Variants in BNC2 observed in about 807,000 individuals in gnomAD.
The protein encoded by BNC2 is zinc finger protein basonuclin-2.
A neutral mutation model predicts 76.3 loss-of-function variants in BNC2; 20 were observed. The observed-to-expected ratio is 0.26, with a 90% CI of 0.18 to 0.38. The LOEUF (loss-of-function observed/expected upper bound fraction) is 0.38, where lower values mean the gene tolerates loss of function less well. Ranked by LOEUF, BNC2 falls within the 10% of genes least tolerant of loss-of-function variation. The pLI is 1.00. For synonymous variants in BNC2, 582 were observed against 514.8 expected (o/e 1.13, Z -1.77); for missense variants, 1,382 against 1,399.8 (o/e 0.99, Z 0.20).
At chr9:16,704,691 T>TCAAAAAAA (rs1169280401) in intron 3 of BNC2, 20 of 124,080 alleles carry the variant, frequency 1.6e-4, no homozygotes, top group South Asian at 2.7e-4. Context: ...TTTTTTTTTT[T>TCAAAAAAA]AAAAAAAAAA....
chr9:16,668,779 G>GAACA, intron 3 of BNC2, among the ~76,000 whole-genome samples: 1 of 152,138 alleles, frequency 6.6e-6, no homozygotes, highest in African/African-American at 2.4e-5. Flanking sequence ...TTCTCTTGTT[G>GAACA]GGCAAACTGC....
intron 4 of BNC2, among the ~76,000 whole-genome samples, chr9:16,572,955 A>G (rs1171549341): frequency 2.0e-5 from 3 of 152,122 alleles, no homozygotes; most frequent in Non-Finnish European, 4.4e-5. Flanking sequence ...ATGGCCGGGC[A>G]CGGAGGCTCA....
At chr9:16,694,058 G>A (rs974500515) in intron 3 of BNC2, among the ~76,000 whole-genome samples, 3 of 152,122 alleles carry the variant, frequency 2.0e-5, no homozygotes, top group East Asian at 3.9e-4. Flanking sequence ...TTTGGGGGGA[G>A]GGTGTGGCAT....
At chr9:16,528,776 T>A (rs1563826279) in intron 5 of BNC2, among the ~76,000 whole-genome samples, 1 of 152,164 alleles carries the variant, frequency 6.6e-6, no homozygotes, top group Non-Finnish European at 1.5e-5. Context: ...TTATGGTATA[T>A]CCACATAATG....
chr9:16,683,894 A>G (rs1190447948), intron 3 of BNC2, among the ~76,000 whole-genome samples: 1 of 152,226 alleles, frequency 6.6e-6, no homozygotes, highest in Non-Finnish European at 1.5e-5. Context: ...CACCAAAATG[A>G]TGATCCACAA....
At chr9:16,494,228 C>G (rs190609486) in intron 5 of BNC2, among the ~76,000 whole-genome samples, 1 of 152,100 alleles carries the variant, frequency 6.6e-6, no homozygotes, top group Admixed American at 6.5e-5. Flanking sequence ...TCTCGGCTCA[C>G]TGCAAACTAC....
chr9:16,510,696 G>A (rs979984505), intron 5 of BNC2, among the ~76,000 whole-genome samples: 1 of 152,190 alleles, frequency 6.6e-6, no homozygotes, highest in African/African-American at 2.4e-5. Flanking sequence ...GGATAGGGAA[G>A]GTGTAGAGGA....
At chr9:16,589,988 G>A (rs1279949773) in intron 3 of BNC2, among the ~76,000 whole-genome samples, 1 of 152,024 alleles carries the variant, frequency 6.6e-6, no homozygotes, top group Non-Finnish European at 1.5e-5. Context: ...CTCAGGTGTG[G>A]TGGCTTAAAC....
At chr9:16,714,999 G>T (rs144868903) in intron 3 of BNC2, among the ~76,000 whole-genome samples, 1 of 152,272 alleles carries the variant, frequency 6.6e-6, no homozygotes, top group African/African-American at 2.4e-5. Context: ...TTAGTAGGGG[G>T]AAGTTTTCCC....
intron 1 of BNC2, among the ~76,000 whole-genome samples, chr9:16,855,059 C>T (rs1047055612): frequency 5.9e-5 from 9 of 151,844 alleles, no homozygotes; most frequent in African/African-American, 1.9e-4. Context: ...AAGGAGAAGA[C>T]GTACTAATCA....
chr9:16,429,982 T>C (rs756580648), intron 6 of BNC2: 1 of 515,210 alleles, frequency 1.9e-6, no homozygotes, highest in Admixed American at 2.0e-5. Flanking sequence ...GTTTTGCTCA[T>C]TGCTCTTCTC....
In BNC2 at chr9:16,410,881, G is replaced by T. The variant is rs1251095307; in HGVS notation, c.*8108C>A. On this transcript the variant is annotated 3_prime_UTR_variant, in exon 7 of 7. Transcript: ENST00000380672. The stretch of plus-strand genomic sequence containing the variant: ...TAGATTTAAAAAAAGAAACAGCCTT[G>T]GTGTATACATCTCAAGTGAACCTAT... 6.6e-6 allele frequency: 1 copy of T among 152,156 alleles called. No homozygotes were observed. The highest frequency in any genetic ancestry group is 1.5e-5 in the Non-Finnish European group (1 of 68,052). 9.4% of individuals were successfully genotyped at this position (152,156 alleles called of 1,614,324 possible). A position where few individuals can be genotyped will look rare whatever the true frequency, so the allele number is the denominator to read the frequency against.
intron 3 of BNC2, among the ~76,000 whole-genome samples, chr9:16,690,438 C>A (rs1823123174): frequency 6.6e-6 from 1 of 152,046 alleles, no homozygotes; most frequent in Non-Finnish European, 1.5e-5. Flanking sequence ...GGCTGGGTGA[C>A]AGAGTGAAAC....
chr9:16,502,832 T>A (rs1822548976), intron 5 of BNC2, among the ~76,000 whole-genome samples: 2 of 152,302 alleles, frequency 1.3e-5, no homozygotes, highest in Middle Eastern at 6.8e-3. Flanking sequence ...TTTTACTTGA[T>A]GAAGAGATGG....
intron 1 of BNC2, among the ~76,000 whole-genome samples, chr9:16,830,883 C>A (rs1227667596): frequency 6.6e-6 from 1 of 152,220 alleles, no homozygotes; most frequent in Non-Finnish European, 1.5e-5. Flanking sequence ...GGCTGAAAGA[C>A]TTAAAATTTG....
At chr9:16,480,228 C>T (rs58611229) in intron 5 of BNC2, among the ~76,000 whole-genome samples, 17 of 152,356 alleles carry the variant, frequency 1.1e-4, no homozygotes, top group African/African-American at 2.9e-4. Flanking sequence ...TAGCACTGCA[C>T]ACTTTTCGGC....
chr9:16,761,465 A>G (rs1406562745), intron 1 of BNC2, among the ~76,000 whole-genome samples: 1 of 152,230 alleles, frequency 6.6e-6, no homozygotes, highest in East Asian at 1.9e-4. Flanking sequence ...CTTCCTCTTC[A>G]AGAAACTGAT....
chr9:16,728,500 C>T (rs1293663411), intron 2 of BNC2, among the ~76,000 whole-genome samples: 1 of 152,104 alleles, frequency 6.6e-6, no homozygotes, highest in African/African-American at 2.4e-5. Flanking sequence ...TATCTGACAC[C>T]AGTCTTTGGC....
intron 3 of BNC2, among the ~76,000 whole-genome samples, chr9:16,705,552 G>T (rs1823642990): frequency 6.6e-6 from 1 of 152,110 alleles, no homozygotes; most frequent in Non-Finnish European, 1.5e-5. Context: ...CAGGCTCTTG[G>T]GCAGACGCCA....
Sources: gnomAD v4.1 joint callset for allele counts (sites outside exome capture counted in the v4.1 genomes callset) on GRCh38, gnomAD v4.1.1 for gene constraint, MANE v1.5 for transcripts, NCBI Gene and HGNC (gene_info 2026-07-23, HGNC 2026-07-21) for gene names.